Variants in SLC71A1 observed in about 807,000 individuals in gnomAD.
SLC71A1 encodes hippocampus abundant gene transcript 1.
At chr1:100,075,245 C>A in the SLC71A1 span, among the ~76,000 whole-genome samples, 2 of 152,246 alleles carry the variant, frequency 1.3e-5, no homozygotes, top group African/African-American at 4.8e-5. Context: ...CAGCCTTCTT[C>A]ACTGTCCTGT....
the SLC71A1 span, chr1:100,038,151 A>C: frequency 2.4e-6 from 3 of 1,238,484 alleles, no homozygotes; most frequent in East Asian, 7.7e-5. Context: ...TCGGCCCGGC[A>C]GTAGTGGTGG....
chr1:100,064,625 A>G, the SLC71A1 span, among the ~76,000 whole-genome samples: 1 of 152,174 alleles, frequency 6.6e-6, no homozygotes, highest in Non-Finnish European at 1.5e-5. Flanking sequence ...ATTAAATAAT[A>G]CAAAACATCT....
chr1:100,079,108 A>T, the SLC71A1 span: 1 of 152,268 alleles, frequency 6.6e-6, no homozygotes, highest in Admixed American at 6.5e-5. Flanking sequence ...TTGGCCACAG[A>T]ATATTAACTA....
At chr1:100,050,668 G>T in the SLC71A1 span, among the ~76,000 whole-genome samples, 16 of 152,280 alleles carry the variant, frequency 1.1e-4, no homozygotes, top group East Asian at 3.1e-3. Context: ...ATGTTTTCAT[G>T]AAGGTTTTTA....
At chr1:100,081,436 A>G in the SLC71A1 span, among the ~76,000 whole-genome samples, 794 of 152,266 alleles carry the variant, frequency 5.2e-3, 7 homozygotes, top group African/African-American at 0.018. Flanking sequence ...CAGTGGCACA[A>G]TCTTGGCTCT....
At chr1:100,068,535 C>T in the SLC71A1 span, 2 of 1,614,016 alleles carry the variant, frequency 1.2e-6, no homozygotes, top group African/African-American at 1.3e-5. Flanking sequence ...TGTTTCTCTC[C>T]TACCTACCGG....
chr1:100,063,182 C>T, the SLC71A1 span, among the ~76,000 whole-genome samples: 3 of 151,842 alleles, frequency 2.0e-5, no homozygotes, highest in South Asian at 2.1e-4. Context: ...GTTTTTTTGA[C>T]GTAATTTATT....
the SLC71A1 span, among the ~76,000 whole-genome samples, chr1:100,045,801 A>G: frequency 6.7e-6 from 1 of 148,302 alleles, no homozygotes; most frequent in Non-Finnish European, 1.5e-5. Flanking sequence ...GGTGACGGGG[A>G]GACTCTGTCT....
chr1:100,063,553 T>C, the SLC71A1 span, among the ~76,000 whole-genome samples: 1 of 151,778 alleles, frequency 6.6e-6, no homozygotes. Flanking sequence ...CCCAGCACTT[T>C]GGGAGGCTGA....
chr1:100,059,144 G>GTTTTTTTTTTTTTGTTTTTTTT, the SLC71A1 span, among the ~76,000 whole-genome samples: 3 of 75,416 alleles, frequency 4.0e-5, no homozygotes, highest in African/African-American at 1.8e-4. Flanking sequence ...TCTTTTTCGT[G>GTTTTTTTTTTTTTGTTTTTTTT]TTTTTTTTTT....
At chr1:100,060,859 C>G in the SLC71A1 span, among the ~76,000 whole-genome samples, 2 of 151,896 alleles carry the variant, frequency 1.3e-5, no homozygotes, top group South Asian at 4.2e-4. Context: ...TTTATTCTGA[C>G]TAATGTTCTT....
At chr1:100,068,678 GC>G in the SLC71A1 span, 1 of 811,408 alleles carries the variant, frequency 1.2e-6, no homozygotes, top group Non-Finnish European at 2.0e-6. Flanking sequence ...AATAGAAGTG[GC>G]CTTTAAAAAT....
the SLC71A1 span, among the ~76,000 whole-genome samples, chr1:100,055,169 G>C: frequency 6.6e-6 from 1 of 152,106 alleles, no homozygotes; most frequent in Non-Finnish European, 1.5e-5. Flanking sequence ...CACCAAACCT[G>C]TTCTTCATAC....
the SLC71A1 span, among the ~76,000 whole-genome samples, chr1:100,071,300 AAAAAAAAAAAAAAAAAG>A: frequency 2.1e-5 from 3 of 140,112 alleles, no homozygotes; most frequent in African/African-American, 9.3e-5. Context: ...AAAAAAAAAA[AAAAAAAAAAAAAAAAAG>A]AAAGAAAGCC....
chr1:100,059,877 G>T, the SLC71A1 span: 1 of 1,599,684 alleles, frequency 6.3e-7, no homozygotes, highest in South Asian at 1.1e-5. Flanking sequence ...AATTTTTTTA[G>T]GGTTTGTTGT....
the SLC71A1 span, chr1:100,038,252 A>C: frequency 6.4e-7 from 1 of 1,559,598 alleles, no homozygotes; most frequent in Non-Finnish European, 8.7e-7. Context: ...GGGAAGAAGA[A>C]GAAACGGGCC....
the SLC71A1 span, among the ~76,000 whole-genome samples, chr1:100,077,905 A>G: frequency 1.3e-5 from 2 of 152,200 alleles, no homozygotes; most frequent in Admixed American, 6.5e-5. Context: ...GGATATAAGC[A>G]AGCATCAAGA....
chr1:100,066,257 T>TC, the SLC71A1 span, among the ~76,000 whole-genome samples: 343 of 152,328 alleles, frequency 2.3e-3, no homozygotes, highest in African/African-American at 7.7e-3. Flanking sequence ...AACAGGAACC[T>TC]CCAAGTCTTT....
At chr1:100,052,029 C>G in the SLC71A1 span, among the ~76,000 whole-genome samples, 1 of 152,068 alleles carries the variant, frequency 6.6e-6, no homozygotes, top group African/African-American at 2.4e-5. Flanking sequence ...GTATTTGCAC[C>G]CAGGCTTCCT....
Sources: allele counts gnomAD v4.1 joint callset (sites outside exome capture counted in the v4.1 genomes callset), GRCh38; gene constraint gnomAD v4.1.1; transcripts MANE v1.5; gene names NCBI Gene and HGNC (gene_info 2026-07-23, HGNC 2026-07-21).